KIAA0319L: variants seen among roughly 807,000 people sequenced by gnomAD.
KIAA0319L encodes the protein dyslexia-associated protein KIAA0319-like protein.
A neutral mutation model predicts 120.1 loss-of-function variants in KIAA0319L; 55 were observed. That is an observed-to-expected ratio of 0.46 (90% CI 0.37 to 0.57). KIAA0319L has a LOEUF of 0.57. KIAA0319L is among the 20% of genes least tolerant of loss of function. The pLI is 0.00. For synonymous variants in KIAA0319L, 398 were observed against 471.9 expected (o/e 0.84, Z 2.03); for missense variants, 1,049 against 1,255.3 (o/e 0.84, Z 2.48).
At chr1:35,543,790 T>C (rs775967519) in intron 2 of KIAA0319L, among the ~76,000 whole-genome samples, 3 of 152,208 alleles carry the variant, frequency 2.0e-5, no homozygotes, top group Non-Finnish European at 4.4e-5. Context: ...TTTTGTCCCA[T>C]CTGCAGTCTC....
intron 20 of KIAA0319L, among the ~76,000 whole-genome samples, chr1:35,438,123 T>G (rs1640930502): frequency 6.6e-6 from 1 of 152,246 alleles, no homozygotes; most frequent in Non-Finnish European, 1.5e-5. Context: ...AAGACTTTGC[T>G]TCCCAGCATC....
rs534599501 is a variant in KIAA0319L at position 35,459,433 on chromosome 1, A to G, written c.1427+872T>C. On this transcript the variant is annotated intron_variant, in intron 9 of 20. Coordinates refer to ENST00000325722, the MANE Select transcript of KIAA0319L (RefSeq NM_024874.5). ...CATCCTGGCTAACACGGTCTCTACT[A>G]AAAATACAAAAAAATTAGCCGGGCG... is the stretch of plus-strand genomic sequence containing the variant. Among the ~76,000 whole-genome samples the G allele has an allele frequency of 1.4e-3, 214 of 152,048 alleles. 1 individual carries two copies. The highest frequency in any genetic ancestry group is 3.4e-3 in the Middle Eastern group (1 of 294).
At chr1:35,554,588 G>T in intron 1 of KIAA0319L, 69 bp from the exon 2 acceptor site, 3 of 1,139,058 alleles carry the variant, frequency 2.6e-6, no homozygotes, top group Non-Finnish European at 3.7e-6. Context: ...AATGTGGAAT[G>T]CTAGAAAATA....
chr1:35,553,191 A>G (rs1395067459), intron 2 of KIAA0319L, among the ~76,000 whole-genome samples: 1 of 152,040 alleles, frequency 6.6e-6, no homozygotes, highest in Non-Finnish European at 1.5e-5. Flanking sequence ...TGATGGCACC[A>G]TCGCACTCCA....
chr1:35,453,153 G>A lies in KIAA0319L; in HGVS notation c.1913+404C>T, dbSNP rs1220357910. 6.6e-6 allele frequency among the ~76,000 whole-genome samples: 1 copy of A among 152,178 alleles called. No individual in the cohort carries two copies. Among genetic ancestry groups the A allele is most frequent in the Non-Finnish European group, 1.5e-5 (1 of 68,024 alleles). ...AGAGTAATGCTTTCATTTTATGGAT[G>A]TATTTTCAATTTCTCTTAATAGCTG... On this transcript the variant is annotated intron_variant, in intron 12 of 20. Transcript: ENST00000325722. This position sits in a 1 kb window ranked among gnomAD's most constrained non-coding sequence, Gnocchi z 4.1.
chr1:35,552,703 A>C (rs934948010), intron 2 of KIAA0319L, among the ~76,000 whole-genome samples: 11 of 152,268 alleles, frequency 7.2e-5, no homozygotes, highest in Middle Eastern at 3.4e-3. Context: ...CCAAAGTTGG[A>C]GGATCGACTG....
At position 35,479,200 on chromosome 1, in the gene KIAA0319L, T is replaced by C; in HGVS notation, c.679A>G (p.Ile227Val). 1 of 1,613,600 alleles carries C rather than the reference T, an allele frequency of 6.2e-7. No homozygotes were observed. Among genetic ancestry groups the C allele is most frequent in the Non-Finnish European group, 8.5e-7 (1 of 1,179,578 alleles). Residue 227 changes from isoleucine (I) to valine (V), a missense_variant, in exon 4 of 21, where the codon ATT (isoleucine) becomes GTT (valine). Coordinates refer to ENST00000325722, the MANE Select transcript of KIAA0319L (RefSeq NM_024874.5). Reference sequence around the variant, plus strand: ...GTGGTTAGGGGACTGGAAATTGTAATCGCCTTGTGGACCTAAAGAAATAAA... The same window carrying C: ...GTGGTTAGGGGACTGGAAATTGTAACCGCCTTGTGGACCTAAAGAAATAAA... ...TSGSAEVHKAITISSPLTTDL... is the reference protein window; with the variant it reads ...TSGSAEVHKAVTISSPLTTDL...
chr1:35,486,378 A>AAG (rs10647208), intron 3 of KIAA0319L, among the ~76,000 whole-genome samples: 11,917 of 122,708 alleles, frequency 0.097, 1,002 homozygotes, highest in East Asian at 0.45. Flanking sequence ...TGTCTCAAGA[A>AAG]AAAAAAAAAA....
intron 2 of KIAA0319L, among the ~76,000 whole-genome samples, chr1:35,517,376 C>T (rs759313357): frequency 5.3e-5 from 8 of 151,950 alleles, no homozygotes; most frequent in African/African-American, 1.5e-4. Flanking sequence ...CATAGACCAA[C>T]GGAACAGAAT....
intron 3 of KIAA0319L, among the ~76,000 whole-genome samples, chr1:35,503,819 A>G (rs1356089133): frequency 6.6e-6 from 1 of 152,092 alleles, no homozygotes; most frequent in Non-Finnish European, 1.5e-5. Context: ...CGTGAAGACA[A>G]TAAGGATGCC....
chr1:35,453,575 T>C lies in KIAA0319L; in HGVS notation c.1895A>G (p.Tyr632Cys), dbSNP rs1642216303. ...TACTCACTGTGTTTTTTCCCAGAGA[T>C]ATGAGATAATTTTCTGATCATCTGA... ...KSSDDQKIIS[Y>C]LWEKTQGPDG... The change falls in exon 12 of 21, where the codon TAT becomes TGT. Residue 632 changes from tyrosine (Y) to cysteine (C), a missense_variant. Physicochemically the swap from Tyr to Cys is radical, Grantham distance 194. Coordinates refer to ENST00000325722, the MANE Select transcript of KIAA0319L (RefSeq NM_024874.5). The surrounding 1 kb of genome is among the most constrained non-coding windows in gnomAD (Gnocchi z 4.1). 1 of 1,614,128 alleles carries C rather than the reference T, an allele frequency of 6.2e-7. No individual in the cohort carries two copies. Among genetic ancestry groups the C allele is most frequent in the Non-Finnish European group, 8.5e-7 (1 of 1,179,984 alleles).
chr1:35,436,494 C>G (rs757404006), intron 20 of KIAA0319L, among the ~76,000 whole-genome samples: 1 of 152,172 alleles, frequency 6.6e-6, no homozygotes, highest in Non-Finnish European at 1.5e-5. Flanking sequence ...AGGGCCCTGG[C>G]AAGGGCCCAG....
intron 3 of KIAA0319L, among the ~76,000 whole-genome samples, chr1:35,489,204 T>TA (rs140242431): frequency 0.017 from 2,563 of 151,026 alleles, 60 homozygotes; most frequent in African/African-American, 0.059. Flanking sequence ...TGCCACAAGG[T>TA]AAAAAAACAA....
intron 20 of KIAA0319L, chr1:35,435,475 T>G (rs989244173): frequency 5.6e-6 from 1 of 177,390 alleles, no homozygotes; most frequent in African/African-American, 2.4e-5. Flanking sequence ...CTCTGGAGAA[T>G]GAGCTTTTAG....
intron 20 of KIAA0319L, among the ~76,000 whole-genome samples, chr1:35,436,179 C>T (rs1640775181): frequency 3.3e-5 from 5 of 152,194 alleles, no homozygotes; most frequent in Admixed American, 3.3e-4. Context: ...AGCCATTCAG[C>T]CCTTCCTGGC....
chr1:35,444,298 T>C lies in KIAA0319L; in HGVS notation c.2519A>G (p.Lys840Arg). 1 of 1,605,798 alleles carries C rather than the reference T, an allele frequency of 6.2e-7. No homozygotes were observed. The highest frequency in any genetic ancestry group is 8.5e-7 in the Non-Finnish European group (1 of 1,176,668). Residue 840 changes from lysine (K) to arginine (R), a missense_variant, in exon 17 of 21, where the codon AAA (lysine) becomes AGA (arginine). Transcript: ENST00000325722. ...KIQPYTEQST[K>R]MVFFVQNEPP... The stretch of plus-strand genomic sequence containing the variant: ...CTCGTTTTGAACAAAAAATACCATT[T>C]TGGTGCTGCAGAGACATGCAACAGT...
intron 4 of KIAA0319L, among the ~76,000 whole-genome samples, chr1:35,475,456 T>C (rs1643872536): frequency 6.6e-6 from 1 of 152,084 alleles, no homozygotes; most frequent in South Asian, 2.1e-4. Context: ...GATTCATTGT[T>C]CACACTAGAT....
intron 5 of KIAA0319L, among the ~76,000 whole-genome samples, chr1:35,472,473 G>A (rs937099548): frequency 6.6e-6 from 1 of 152,038 alleles, no homozygotes; most frequent in African/African-American, 2.4e-5. Context: ...TGTATTTTTA[G>A]TATAAACAGA....
chr1:35,510,485 TAC>T (rs1010717519), intron 2 of KIAA0319L: 1 of 151,620 alleles, frequency 6.6e-6, no homozygotes, highest in Non-Finnish European at 1.5e-5. Flanking sequence ...AGAGAATTCA[TAC>T]AGTCAGGAAC....
Sources: gnomAD v4.1 joint callset for allele counts (sites outside exome capture counted in the v4.1 genomes callset) on GRCh38, gnomAD v4.1.1 for gene constraint, Gnocchi (gnomAD v3.1) non-coding constraint, MANE v1.5 for transcripts, NCBI Gene and HGNC (gene_info 2026-07-23, HGNC 2026-07-21) for gene names.